Variants in ARHGAP25 observed in about 807,000 individuals in gnomAD.
The protein encoded by ARHGAP25 is Rho GTPase activating protein 25.
Under a neutral mutation model 71.0 loss-of-function variants are expected in ARHGAP25, and 34 were observed. That is an observed-to-expected ratio of 0.48 (90% CI 0.36 to 0.64). ARHGAP25 has a LOEUF of 0.64. Among genes scored for constraint, ARHGAP25 ranks in the 30% least tolerant of loss-of-function variants. The pLI is 0.00. For missense variants in ARHGAP25, 706 were observed against 805.1 expected (o/e 0.88, Z 1.49); for synonymous variants, 282 against 296.5 (o/e 0.95, Z 0.50).
intron 3 of ARHGAP25, among the ~76,000 whole-genome samples, chr2:68,782,573 C>T (rs1678418234): frequency 6.6e-6 from 1 of 152,158 alleles, no homozygotes; most frequent in Non-Finnish European, 1.5e-5. Flanking sequence ...ATTTCATGAG[C>T]GTGTGCTAGG....
intron 1 of ARHGAP25, 135 bp from the exon 2 acceptor site, chr2:68,775,086 C>A (rs894471275): frequency 2.6e-6 from 4 of 1,564,166 alleles, no homozygotes; most frequent in Non-Finnish European, 3.5e-6. Context: ...GGCTCAGATC[C>A]GGACCCCTGA....
intron 1 of ARHGAP25, among the ~76,000 whole-genome samples, chr2:68,769,881 G>A (rs1677372393): frequency 1.3e-5 from 2 of 152,178 alleles, no homozygotes; most frequent in Admixed American, 6.5e-5. Context: ...AGAAAGAGCA[G>A]GAAATGCAGC....
At chr2:68,713,318 G>T (rs1202652060) in intron 2 of ARHGAP25, among the ~76,000 whole-genome samples, 1 of 152,138 alleles carries the variant, frequency 6.6e-6, no homozygotes, top group East Asian at 1.9e-4. Flanking sequence ...TGTTATTGGT[G>T]TATAGGAATG....
chr2:68,742,308 A>G (rs78494039), intron 1 of ARHGAP25, among the ~76,000 whole-genome samples: 15,372 of 152,252 alleles, frequency 0.1, 894 homozygotes, highest in East Asian at 0.26. Context: ...ACTTTTTAAT[A>G]TTTTAAAATA....
intron 4 of ARHGAP25, among the ~76,000 whole-genome samples, chr2:68,789,219 T>G (rs942096988): frequency 2.0e-5 from 3 of 152,080 alleles, no homozygotes; most frequent in Non-Finnish European, 4.4e-5. Flanking sequence ...GTATTTTTTT[T>G]AGTAGAGACG....
At chr2:68,749,721 G>C (rs775547039) in intron 1 of ARHGAP25, among the ~76,000 whole-genome samples, 1 of 152,140 alleles carries the variant, frequency 6.6e-6, no homozygotes, top group Non-Finnish European at 1.5e-5. Context: ...ACCTGCTCAG[G>C]TTCCACTCCA....
In ARHGAP25 at chr2:68,767,268, T is replaced by C. The variant is rs1387485131; in HGVS notation, c.62-7953T>C. Among the ~76,000 whole-genome samples, 9 of 151,264 alleles carry C rather than the reference T, an allele frequency of 5.9e-5. No individual in the cohort carries two copies. Among genetic ancestry groups the C allele is most frequent in the Admixed American group, 1.3e-4 (2 of 15,212 alleles). On this transcript the variant is annotated intron_variant, in intron 1 of 10. Coordinates refer to ENST00000409202, the MANE Select transcript of ARHGAP25 (RefSeq NM_001007231.3). The surrounding 1 kb of genome is among the most constrained non-coding windows in gnomAD (Gnocchi z 4.6). ...TGATGGGTGCTTTTCAATGGGGGGG[T>C]GGCGTTTGCTTTGAAGACAGAAAAG...
intron 1 of ARHGAP25, among the ~76,000 whole-genome samples, chr2:68,741,049 A>G (rs1239016757): frequency 6.6e-6 from 1 of 152,232 alleles, no homozygotes; most frequent in East Asian, 1.9e-4. Context: ...CATGCGTATG[A>G]CATATATTAG....
intron 1 of ARHGAP25, among the ~76,000 whole-genome samples, chr2:68,753,414 A>G (rs7576544): frequency 0.031 from 4,767 of 152,178 alleles, 254 homozygotes; most frequent in African/African-American, 0.11. Flanking sequence ...ACCCAGTACT[A>G]CTTGAATTAT....
chr2:68,774,988 C>A (rs780733097), intron 1 of ARHGAP25: 123 of 1,439,802 alleles, frequency 8.5e-5, no homozygotes, highest in Middle Eastern at 2.6e-4. Flanking sequence ...ACGGGGCCAC[C>A]GACTGCAGCC....
chr2:68,769,391 G>T (rs765451207), intron 1 of ARHGAP25, among the ~76,000 whole-genome samples: 14 of 152,112 alleles, frequency 9.2e-5, no homozygotes, highest in Non-Finnish European at 2.9e-5. Context: ...CCCATAAGAT[G>T]CATGTTATTA....
intron 4 of ARHGAP25, among the ~76,000 whole-genome samples, chr2:68,802,407 CAAAAAAAA>C (rs10688959): frequency 1.2e-5 from 1 of 82,152 alleles, no homozygotes; most frequent in Non-Finnish European, 2.2e-5. Context: ...GACTCCATCT[CAAAAAAAA>C]AAAAAAAAAA....
intron 1 of ARHGAP25, among the ~76,000 whole-genome samples, chr2:68,745,236 C>A (rs1252816025): frequency 6.6e-6 from 1 of 152,198 alleles, no homozygotes; most frequent in African/African-American, 2.4e-5. Context: ...CTTCCTCCAA[C>A]CAGCTCAGCC....
intron 1 of ARHGAP25, among the ~76,000 whole-genome samples, chr2:68,770,660 T>A (rs1010304016): frequency 6.6e-6 from 1 of 152,226 alleles, no homozygotes; most frequent in African/African-American, 2.4e-5. Flanking sequence ...GCACTTCTTC[T>A]ATTTCTCTTC....
At chr2:68,757,514 C>G (rs1485935286) in intron 1 of ARHGAP25, 2 of 152,074 alleles carry the variant, frequency 1.3e-5, no homozygotes, top group Non-Finnish European at 2.9e-5. Context: ...ATTTAAAGTG[C>G]TATTTTTTTC....
chr2:68,789,593 A>C (rs547154607), intron 4 of ARHGAP25, among the ~76,000 whole-genome samples: 2 of 152,266 alleles, frequency 1.3e-5, no homozygotes, highest in South Asian at 4.1e-4. Flanking sequence ...GGAAAATCTT[A>C]GCTGTGACCA....
intron 4 of ARHGAP25, among the ~76,000 whole-genome samples, chr2:68,796,353 A>T (rs1169226987): frequency 2.0e-5 from 3 of 152,092 alleles, no homozygotes; most frequent in Non-Finnish European, 4.4e-5. Flanking sequence ...TTTGGTTAGG[A>T]GCTATTGCTA....
chr2:68,816,066 TA>T, intron 6 of ARHGAP25: 2 of 590,352 alleles, frequency 3.4e-6, no homozygotes, highest in South Asian at 3.5e-5. Context: ...TACATATAAA[TA>T]AAAGTATACA....
At chr2:68,816,036 G>A (rs1473428019) in intron 6 of ARHGAP25, 8 of 499,970 alleles carry the variant, frequency 1.6e-5, no homozygotes, top group East Asian at 4.0e-5. Flanking sequence ...AGGGTCAAGG[G>A]TGGGGTGCAG....
Sources: allele counts gnomAD v4.1 joint callset (sites outside exome capture counted in the v4.1 genomes callset), GRCh38; gene constraint gnomAD v4.1.1; non-coding constraint Gnocchi (gnomAD v3.1); transcripts MANE v1.5; gene names NCBI Gene and HGNC (gene_info 2026-07-23, HGNC 2026-07-21).